Variants in ADAM10 observed in about 807,000 individuals in gnomAD.
ADAM10 encodes the protein disintegrin and metalloproteinase domain-containing protein 10.
ADAM10 carries 17 observed loss-of-function variants against 90.1 expected under a neutral mutation model. The ratio of observed to expected loss-of-function variants is 0.19; its 90% CI spans 0.13 to 0.28. The LOEUF (loss-of-function observed/expected upper bound fraction) is 0.28. ADAM10 is among the 10% of genes least tolerant of loss of function. The pLI is 1.00. For missense variants in ADAM10, 610 were observed against 914.3 expected (o/e 0.67, Z 4.29); for synonymous variants, 310 against 298.6 (o/e 1.04, Z -0.40).
intron 10 of ADAM10, among the ~76,000 whole-genome samples, chr15:58,623,450 T>TA (rs1357787952): frequency 6.6e-6 from 1 of 152,174 alleles, no homozygotes; most frequent in East Asian, 1.9e-4. Context: ...GACTATTTTT[T>TA]AAAATCTTGG....
At chr15:58,697,301 G>GT (rs2140784207) in intron 2 of ADAM10, among the ~76,000 whole-genome samples, 2 of 152,234 alleles carry the variant, frequency 1.3e-5, no homozygotes, top group East Asian at 3.9e-4. Flanking sequence ...TCAGCTGAAT[G>GT]TTTATGTCTG....
intron 1 of ADAM10, among the ~76,000 whole-genome samples, chr15:58,726,903 A>G (rs1254255088): frequency 1.5e-5 from 2 of 137,632 alleles, no homozygotes; most frequent in Non-Finnish European, 3.1e-5. Context: ...AGGGGAGGGG[A>G]GGGGAGGGGA....
At chr15:58,697,834 C>T (rs1478916669) in intron 2 of ADAM10, among the ~76,000 whole-genome samples, 1 of 152,170 alleles carries the variant, frequency 6.6e-6, no homozygotes, top group African/African-American at 2.4e-5. Context: ...ACTTGGTGAA[C>T]CTGTCCCCAG....
At chr15:58,729,528 TC>T (rs1899154315) in intron 1 of ADAM10, among the ~76,000 whole-genome samples, 2 of 152,146 alleles carry the variant, frequency 1.3e-5, no homozygotes, top group Non-Finnish European at 2.9e-5. Flanking sequence ...GTATGCACAT[TC>T]AAGTTTGAGA....
intron 11 of ADAM10, among the ~76,000 whole-genome samples, chr15:58,620,643 G>A: frequency 6.6e-6 from 1 of 150,742 alleles, no homozygotes; most frequent in Non-Finnish European, 1.5e-5. Flanking sequence ...TTCACAATAA[G>A]TAACTAAAGA....
intron 4 of ADAM10, among the ~76,000 whole-genome samples, chr15:58,665,879 T>C (rs1448756346): frequency 1.3e-5 from 2 of 151,902 alleles, no homozygotes; most frequent in Non-Finnish European, 2.9e-5. Flanking sequence ...GATGACATCA[T>C]TCATCATTCA....
intron 2 of ADAM10, chr15:58,686,451 T>C (rs1596067235): frequency 7.2e-7 from 1 of 1,392,084 alleles, no homozygotes. Context: ...CAGTGCCTGG[T>C]GGAGCAGCTC....
intron 2 of ADAM10, among the ~76,000 whole-genome samples, chr15:58,687,706 G>C (rs1041747690): frequency 1.1e-4 from 16 of 151,590 alleles, no homozygotes; most frequent in Non-Finnish European, 2.4e-4. Flanking sequence ...CCATACAATA[G>C]GATAGAATTT....
At chr15:58,695,155 TACTC>T (rs1897941703) in intron 2 of ADAM10, among the ~76,000 whole-genome samples, 1 of 152,212 alleles carries the variant, frequency 6.6e-6, no homozygotes, top group African/African-American at 2.4e-5. Context: ...TTTGAGGCTG[TACTC>T]ACATTCCTCT....
chr15:58,598,575 T>C (rs1895021958), intron 15 of ADAM10, among the ~76,000 whole-genome samples: 1 of 152,176 alleles, frequency 6.6e-6, no homozygotes, highest in Admixed American at 6.5e-5. Flanking sequence ...AGGTAGTGGA[T>C]TTGCCTGAGG....
chr15:58,726,892 GA>G (rs1899050042), intron 1 of ADAM10, among the ~76,000 whole-genome samples: 1 of 148,996 alleles, frequency 6.7e-6, no homozygotes, highest in Admixed American at 6.7e-5. Flanking sequence ...GAGGGGAGAG[GA>G]GGGGAGGGGA....
intron 1 of ADAM10, among the ~76,000 whole-genome samples, chr15:58,725,137 C>CT (rs1898988664): frequency 6.6e-6 from 1 of 152,030 alleles, no homozygotes; most frequent in African/African-American, 2.4e-5. Flanking sequence ...CTGCAGTAAG[C>CT]TATGATCGTG....
intron 10 of ADAM10, among the ~76,000 whole-genome samples, chr15:58,623,433 C>A (rs1488941343): frequency 6.6e-6 from 1 of 152,186 alleles, no homozygotes; most frequent in Non-Finnish European, 1.5e-5. Context: ...TCATTCTTAA[C>A]CACATCGACT....
At position 58,717,608 on chromosome 15, in the gene ADAM10, A is replaced by C; in HGVS notation, c.175T>G (p.Phe59Val). 1 of 1,613,896 alleles carries C rather than the reference A, an allele frequency of 6.2e-7. No individual in the cohort carries two copies. Among genetic ancestry groups the C allele is most frequent in the Middle Eastern group, 1.7e-4 (1 of 6,054 alleles). The stretch of plus-strand genomic sequence containing the variant: ...TGGGCATGGAAATCTAGACGTAAAA[A>C]TTGGTCTTCATGTGAGACTGCTCTT... ...AKRAVSHEDQ[F>V]LRLDFHAHGR... The change falls in exon 2 of 16, where the codon TTT becomes GTT. Residue 59 changes from phenylalanine to valine, a missense_variant. Physicochemically the swap from Phe to Val is conservative, Grantham distance 50. Coordinates refer to ENST00000260408, the MANE Select transcript of ADAM10 (RefSeq NM_001110.4).
intron 14 of ADAM10, among the ~76,000 whole-genome samples, chr15:58,607,599 T>C (rs1283593683): frequency 6.6e-6 from 1 of 152,190 alleles, no homozygotes; most frequent in Non-Finnish European, 1.5e-5. Context: ...AGATACTTAC[T>C]ACTTAGATGC....
intron 2 of ADAM10, among the ~76,000 whole-genome samples, chr15:58,695,003 T>C (rs1280045649): frequency 1.3e-5 from 2 of 152,228 alleles, no homozygotes; most frequent in Non-Finnish European, 2.9e-5. Context: ...AATGCACCTC[T>C]AACTATATAC....
intron 11 of ADAM10, among the ~76,000 whole-genome samples, chr15:58,612,509 GC>G (rs1337181255): frequency 6.6e-6 from 1 of 152,100 alleles, no homozygotes; most frequent in Non-Finnish European, 1.5e-5. Context: ...GCTGTTCCCT[GC>G]CCCCTAGGGC....
At chr15:58,712,084 C>T (rs1284764419) in intron 2 of ADAM10, among the ~76,000 whole-genome samples, 2 of 152,002 alleles carry the variant, frequency 1.3e-5, no homozygotes, top group African/African-American at 4.8e-5. Flanking sequence ...TATTAATAAC[C>T]TTTGTTAAAT....
At chr15:58,655,742 CTTTTTTTTTTTTTT>C (rs71116585) in intron 5 of ADAM10, among the ~76,000 whole-genome samples, 1 of 39,662 alleles carries the variant, frequency 2.5e-5, no homozygotes, top group Admixed American at 4.3e-4. Flanking sequence ...TATATATATT[CTTTTTTTTTTTTTT>C]TTTTTTTTGA....
Sources: allele counts gnomAD v4.1 joint callset (sites outside exome capture counted in the v4.1 genomes callset), GRCh38; gene constraint gnomAD v4.1.1; transcripts MANE v1.5; gene names NCBI Gene and HGNC (gene_info 2026-07-23, HGNC 2026-07-21).